The following HEATR6 variants were observed in gnomAD, a reference collection of about 807,000 sequenced individuals.
The protein encoded by HEATR6 is HEAT repeat-containing protein 6.
A neutral mutation model predicts 132.8 loss-of-function variants in HEATR6; 106 were observed. That is an observed-to-expected ratio of 0.80 (90% CI 0.68 to 0.94). HEATR6 has a LOEUF of 0.94. HEATR6 is among the 40% of genes least tolerant of loss of function. The pLI, the probability that HEATR6 is intolerant of heterozygous loss-of-function variation, is 0.00. For synonymous variants in HEATR6, 529 were observed against 537.8 expected (o/e 0.98, Z 0.23); for missense variants, 1,339 against 1,425.1 (o/e 0.94, Z 0.97).
At chr17:60,056,378 T>C (rs77172436) in intron 12 of HEATR6, 141 bp from the exon 13 acceptor site, 8,372 of 703,422 alleles carry the variant, frequency 0.012, 83 homozygotes, top group Non-Finnish European at 0.016. Flanking sequence ...CCATAATCTT[T>C]ATTTTGTGAC....
chr17:60,076,262 G>T, intron 1 of HEATR6, 25 bp from the exon 2 acceptor site: 1 of 1,292,972 alleles, frequency 7.7e-7, no homozygotes. Flanking sequence ...AAGATAAGAG[G>T]TAAAATACTT....
intron 14 of HEATR6, among the ~76,000 whole-genome samples, chr17:60,053,132 G>A (rs1161161819): frequency 6.6e-6 from 1 of 152,160 alleles, no homozygotes; most frequent in East Asian, 1.9e-4. Context: ...ATGGCTTGGT[G>A]CTATCCTTGT....
At chr17:60,054,157 C>T (rs1240599260) in intron 14 of HEATR6, among the ~76,000 whole-genome samples, 1 of 152,248 alleles carries the variant, frequency 6.6e-6, no homozygotes, top group Non-Finnish European at 1.5e-5. Context: ...CCCAGCATCC[C>T]CAGCCTTGGC....
In HEATR6 at chr17:60,047,360, C is replaced by T; in HGVS notation, c.2718G>A (p.Leu906=). 6.2e-7 allele frequency: 1 copy of T among 1,613,304 alleles called. No individual in the cohort carries two copies. The highest frequency in any genetic ancestry group is 8.5e-7 in the Non-Finnish European group (1 of 1,179,632). Residue 906 remains leucine (L), a synonymous_variant, in exon 18 of 20, where the codon CTG becomes CTA. Transcript: ENST00000184956. ...PSFQEEFSGL[L]LLKMLRSAIE... is the part of the protein sequence containing the mutation. ...TAGCTGATCGTAACATTTTCAAGAG[C>T]AGGAGACCAGAGAACTCTTCCTGGA...
At chr17:60,066,695 A>T (rs553104320) in intron 8 of HEATR6, among the ~76,000 whole-genome samples, 62 of 152,342 alleles carry the variant, frequency 4.1e-4, no homozygotes, top group Admixed American at 2.5e-3. Flanking sequence ...ACTGCCGAGT[A>T]TCCATCCATC....
At position 60,072,336 on chromosome 17, in the gene HEATR6, G is replaced by A. The variant is rs376455901; in HGVS notation, c.585-7C>T. The A allele has an allele frequency of 1.3e-4, 195 of 1,515,140 alleles. No individual in the cohort carries two copies. The highest frequency in any genetic ancestry group is 1.6e-4 in the Non-Finnish European group (173 of 1,102,350). The allele number at this position is 1,515,140 out of a possible 1,614,324, so 93.9% of individuals were successfully genotyped here. ...ATACGGCTGTCCTGGCACACTAAAC[G>A]CATACAGAGAAAACAACTCAAACTC... On this transcript the variant is annotated splice_region_variant and splice_polypyrimidine_tract_variant and intron_variant, in intron 4 of 19. Transcript: ENST00000184956.
intron 1 of HEATR6, 52 bp downstream of exon 1, chr17:60,078,644 G>A (rs1357726283): frequency 1.4e-6 from 2 of 1,417,490 alleles, no homozygotes; most frequent in Non-Finnish European, 1.9e-6. Flanking sequence ...CCACCAGCTG[G>A]GTTCCCGGAG....
At chr17:60,057,861 C>T (rs1304583233) in intron 11 of HEATR6, among the ~76,000 whole-genome samples, 1 of 152,012 alleles carries the variant, frequency 6.6e-6, no homozygotes, top group Non-Finnish European at 1.5e-5. Flanking sequence ...ATGTGATGTC[C>T]AGCTGTTCCA....
chr17:60,072,348 A>G lies in HEATR6; in HGVS notation c.585-19T>C. On this transcript the variant is annotated intron_variant, in intron 4 of 19. Coordinates refer to ENST00000184956, the MANE Select transcript of HEATR6 (RefSeq NM_022070.5). ...TGGCACACTAAACGCATACAGAGAAAACAACTCAAACTCAGTCTCCTTTAA... is the reference window on the plus strand; with the variant it reads ...TGGCACACTAAACGCATACAGAGAAGACAACTCAAACTCAGTCTCCTTTAA... 7.4e-7 allele frequency: 1 copy of G among 1,349,982 alleles called. No homozygotes were observed. The highest frequency in any genetic ancestry group is 1.3e-5 in the South Asian group (1 of 79,608). 83.6% of individuals were successfully genotyped at this position (1,349,982 alleles called of 1,614,324 possible).
intron 9 of HEATR6, chr17:60,064,899 A>T (rs2083232065): frequency 6.6e-6 from 1 of 152,174 alleles, no homozygotes; most frequent in African/African-American, 2.4e-5. Context: ...TTCCTGTTCT[A>T]AACCCCCGTG....
Position 60,044,079 on chromosome 17 carries a change from T to G in HEATR6, c.3030A>C (p.Ser1010=). 1 of 1,614,112 alleles carries G rather than the reference T, an allele frequency of 6.2e-7. No homozygotes were observed. The highest frequency in any genetic ancestry group is 8.5e-7 in the Non-Finnish European group (1 of 1,179,998). The change falls in exon 20 of 20, where the codon TCA becomes TCC. Residue 1010 remains serine (S), a synonymous_variant. Coordinates refer to ENST00000184956, the MANE Select transcript of HEATR6 (RefSeq NM_022070.5). ...TGATGCGCACTTTGAAGTTCTTGCATGATGTCACGACCGATGTCAGGGCAT... is the reference window on the plus strand; with the variant it reads ...TGATGCGCACTTTGAAGTTCTTGCAGGATGTCACGACCGATGTCAGGGCAT... ...AYNALTSVVT[S]CKNFKVRIRS...
Position 60,071,023 on chromosome 17 carries a change from G to T in HEATR6, c.700-216C>A, listed in dbSNP as rs140228280. Among the ~76,000 whole-genome samples, 435 of 152,294 alleles carry T rather than the reference G, an allele frequency of 2.9e-3. 3 individuals are homozygous for T. Among genetic ancestry groups the T allele is most frequent in the Non-Finnish European group, 2.2e-3 (151 of 68,010 alleles). ...TTCTTTTCTAGAAGAAAAGAATAAT[G>T]AAGTGGTCTTATTGTACATGTTTAT... is the stretch of plus-strand genomic sequence containing the variant. On this transcript the variant is annotated intron_variant, in intron 5 of 19. Coordinates refer to ENST00000184956, the MANE Select transcript of HEATR6 (RefSeq NM_022070.5).
At chr17:60,045,662 C>T (rs1906340858) in intron 19 of HEATR6, among the ~76,000 whole-genome samples, 2 of 152,150 alleles carry the variant, frequency 1.3e-5, no homozygotes, top group African/African-American at 2.4e-5. Context: ...AAATCCTACC[C>T]ATCCAGAGGC....
intron 7 of HEATR6, among the ~76,000 whole-genome samples, chr17:60,069,151 G>T (rs2083257006): frequency 6.6e-6 from 1 of 152,234 alleles, no homozygotes; most frequent in Non-Finnish European, 1.5e-5. Flanking sequence ...GAAAGGCTGG[G>T]AAATCAGGTG....
chr17:60,044,091 C>T lies in HEATR6; in HGVS notation c.3018G>A (p.Ser1006=), dbSNP rs775633360. ...TGAAGTTCTTGCATGATGTCACGAC[C>T]GATGTCAGGGCATTGTAGGCCTGGG... is the stretch of plus-strand genomic sequence containing the variant. ...WTSQAYNALT[S]VVTSCKNFKV... Residue 1006 remains serine, a synonymous_variant, in exon 20 of 20, where the codon TCG becomes TCA. Coordinates refer to ENST00000184956, the MANE Select transcript of HEATR6 (RefSeq NM_022070.5). 12 of 1,613,396 alleles carry T rather than the reference C, an allele frequency of 7.4e-6. No individual in the cohort carries two copies. Among genetic ancestry groups the T allele is most frequent in the Admixed American group, 1.7e-5 (1 of 59,938 alleles).
chr17:60,048,224 T>A (rs755918514), intron 17 of HEATR6, 40 bp downstream of exon 17: 7 of 1,598,438 alleles, frequency 4.4e-6, no homozygotes, highest in Non-Finnish European at 6.0e-6. Flanking sequence ...GGGCCCTCAA[T>A]CTCAGAAGTC....
intron 19 of HEATR6, among the ~76,000 whole-genome samples, chr17:60,045,046 A>C (rs1261236796): frequency 6.6e-6 from 1 of 152,088 alleles, no homozygotes; most frequent in East Asian, 1.9e-4. Flanking sequence ...ATGCAGGTAA[A>C]CTTCTCTCTC....
Position 60,050,913 on chromosome 17 carries a change from T to G in HEATR6, c.2354A>C (p.His785Pro), listed in dbSNP as rs1598906957. The G allele has an allele frequency of 6.2e-7, 1 of 1,614,122 alleles. No homozygotes were observed. Among genetic ancestry groups the G allele is most frequent in the Non-Finnish European group, 8.5e-7 (1 of 1,179,992 alleles). ...PLPRALQNSE[H>P]PTLQASACDA... ...ACAGGCGCTCGCCTGGAGAGTTGGGTGTTCTGAATTCTGCAGGGCTCTGGG... is the reference window on the plus strand; with the variant it reads ...ACAGGCGCTCGCCTGGAGAGTTGGGGGTTCTGAATTCTGCAGGGCTCTGGG... Residue 785 changes from histidine (H) to proline (P), a missense_variant, in exon 15 of 20, where the codon CAC becomes CCC. His to Pro is a moderately conservative substitution (Grantham distance 77). Transcript: ENST00000184956.
At chr17:60,078,213 G>T (rs1402501139) in intron 1 of HEATR6, among the ~76,000 whole-genome samples, 1 of 152,208 alleles carries the variant, frequency 6.6e-6, no homozygotes, top group African/African-American at 2.4e-5. Flanking sequence ...GAGCTAGTGT[G>T]TAGGAACAGA....
Sources: allele counts gnomAD v4.1 joint callset (sites outside exome capture counted in the v4.1 genomes callset), GRCh38; gene constraint gnomAD v4.1.1; transcripts MANE v1.5; gene names NCBI Gene and HGNC (gene_info 2026-07-23, HGNC 2026-07-21).